HS3ST3A1: variants seen among roughly 807,000 people sequenced by gnomAD.
HS3ST3A1 encodes the protein heparan sulfate-glucosamine 3-sulfotransferase 3A1, also known as heparan sulfate glucosamine 3-O-sulfotransferase 3A1.
A neutral mutation model predicts 25.7 loss-of-function variants in HS3ST3A1; 19 were observed. The observed-to-expected ratio is 0.74, with a 90% CI of 0.52 to 1.08. The LOEUF (loss-of-function observed/expected upper bound fraction) is 1.08, where lower values mean the gene tolerates loss of function less well. HS3ST3A1 is among the 50% of genes least tolerant of loss of function. HS3ST3A1 has a pLI of 0.00. For synonymous variants in HS3ST3A1, 226 were observed against 278.6 expected (o/e 0.81, Z 1.88); for missense variants, 459 against 594.3 (o/e 0.77, Z 2.37).
chr17:13,533,418 G>T (rs1288058094), intron 1 of HS3ST3A1, among the ~76,000 whole-genome samples: 2 of 151,776 alleles, frequency 1.3e-5, no homozygotes, highest in African/African-American at 4.8e-5. Context: ...AAGGAGAAAG[G>T]TCTGGAACAG....
At chr17:13,546,459 G>A (rs1256936824) in intron 1 of HS3ST3A1, among the ~76,000 whole-genome samples, 1 of 152,008 alleles carries the variant, frequency 6.6e-6, no homozygotes, top group Non-Finnish European at 1.5e-5. Context: ...GTAGAGACAG[G>A]GTTTCACCAT....
intron 1 of HS3ST3A1, among the ~76,000 whole-genome samples, chr17:13,600,282 G>C (rs1908684049): frequency 6.6e-6 from 1 of 152,136 alleles, no homozygotes; most frequent in Non-Finnish European, 1.5e-5. Flanking sequence ...GACCAGACTG[G>C]CTATTTGCTG....
intron 1 of HS3ST3A1, among the ~76,000 whole-genome samples, chr17:13,586,227 C>T (rs1908264407): frequency 6.6e-6 from 1 of 152,066 alleles, no homozygotes; most frequent in Admixed American, 6.6e-5. Context: ...GGCTAGTATT[C>T]CACACAGTGT....
At chr17:13,578,831 T>C (rs1908022075) in intron 1 of HS3ST3A1, among the ~76,000 whole-genome samples, 1 of 152,210 alleles carries the variant, frequency 6.6e-6, no homozygotes, top group Admixed American at 6.5e-5. Flanking sequence ...TTTGCAGGTG[T>C]GTCAAGTATT....
chr17:13,522,837 C>A (rs928350641), intron 1 of HS3ST3A1, among the ~76,000 whole-genome samples: 11 of 70,540 alleles, frequency 1.6e-4, no homozygotes, highest in African/African-American at 5.9e-4. Context: ...ACACACACAC[C>A]ACACACACAC....
chr17:13,540,216 A>G (rs1446977886), intron 1 of HS3ST3A1, among the ~76,000 whole-genome samples: 2 of 152,200 alleles, frequency 1.3e-5, no homozygotes. Context: ...GCAACAATCT[A>G]TAATGTTCTA....
chr17:13,506,901 CAAAAA>C (rs958583882), intron 1 of HS3ST3A1, among the ~76,000 whole-genome samples: 3 of 101,240 alleles, frequency 3.0e-5, no homozygotes, highest in African/African-American at 1.1e-4. Context: ...TACTAAAATA[CAAAAA>C]AAAAAAAAAA....
chr17:13,594,384 G>C (rs548406324), intron 1 of HS3ST3A1, among the ~76,000 whole-genome samples: 13 of 152,080 alleles, frequency 8.5e-5, no homozygotes, highest in Non-Finnish European at 1.9e-4. Context: ...AACTCTCAAA[G>C]CGCTTTCCTG....
At chr17:13,546,538 T>G (rs1907092346) in intron 1 of HS3ST3A1, among the ~76,000 whole-genome samples, 1 of 152,220 alleles carries the variant, frequency 6.6e-6, no homozygotes, top group Non-Finnish European at 1.5e-5. Context: ...AGTGTTGGGA[T>G]TACAGGCGTG....
In HS3ST3A1 at chr17:13,495,464, T is replaced by C. The variant is rs930263571; in HGVS notation, c.*733A>G. ...AAGGGGCTCTCTTTCCCTTTTCATA[T>C]CATCTGAAAACTACCTAACCATTTC... is the stretch of plus-strand genomic sequence containing the variant. On this transcript the variant is annotated 3_prime_UTR_variant, in exon 2 of 2. Transcript: ENST00000284110. Among the ~76,000 whole-genome samples, 1 of 152,188 alleles carries C rather than the reference T, an allele frequency of 6.6e-6. No individual in the cohort carries two copies. Among genetic ancestry groups the C allele is most frequent in the Non-Finnish European group, 1.5e-5 (1 of 68,032 alleles).
intron 1 of HS3ST3A1, among the ~76,000 whole-genome samples, chr17:13,561,757 G>A (rs935907591): frequency 1.3e-5 from 2 of 152,084 alleles, no homozygotes; most frequent in African/African-American, 4.8e-5. Flanking sequence ...GAGACACTGC[G>A]GGATTCCAGC....
At chr17:13,527,960 A>AT (rs36019089) in intron 1 of HS3ST3A1, among the ~76,000 whole-genome samples, 152 of 151,298 alleles carry the variant, frequency 1.0e-3, no homozygotes, top group African/African-American at 2.6e-3. Context: ...TAATGTTCTT[A>AT]TTTTTTTTTA....
chr17:13,520,044 G>T (rs1056243929), intron 1 of HS3ST3A1, among the ~76,000 whole-genome samples: 6 of 152,096 alleles, frequency 3.9e-5, no homozygotes, highest in African/African-American at 1.4e-4. Context: ...CTTAATTTCT[G>T]TATCTTAGTT....
rs1202344350 is a variant in HS3ST3A1, at chr17:13,495,798, A to G, written c.*399T>C. On this transcript the variant is annotated 3_prime_UTR_variant, in exon 2 of 2. Transcript: ENST00000284110. ...TACTAACTGGGAAATAATTTAAGAA[A>G]AAGTGGCACGGGAAAAAGGGAGAAA... The G allele has an allele frequency of 6.2e-6, 1 of 160,540 alleles. No individual in the cohort carries two copies. The highest frequency in any genetic ancestry group is 2.4e-5 in the African/African-American group (1 of 41,644). The allele number at this position is 160,540 out of a possible 1,614,324, so 9.9% of individuals were successfully genotyped here. A position where few individuals can be genotyped will look rare whatever the true frequency, so the allele number is the denominator to read the frequency against.
At chr17:13,533,864 C>G (rs1207119587) in intron 1 of HS3ST3A1, among the ~76,000 whole-genome samples, 1 of 152,148 alleles carries the variant, frequency 6.6e-6, no homozygotes, top group Non-Finnish European at 1.5e-5. Context: ...ATAGGAAGGA[C>G]TGTAAATCCC....
chr17:13,522,890 T>G (rs1158239314), intron 1 of HS3ST3A1, among the ~76,000 whole-genome samples: 1 of 134,072 alleles, frequency 7.5e-6, no homozygotes, highest in Non-Finnish European at 1.6e-5. Context: ...ACAAAGCAAG[T>G]ACAAAAGATA....
At chr17:13,532,560 C>A (rs1174699972) in intron 1 of HS3ST3A1, among the ~76,000 whole-genome samples, 2 of 151,800 alleles carry the variant, frequency 1.3e-5, no homozygotes, top group African/African-American at 4.8e-5. Flanking sequence ...GAGTCCAGGG[C>A]CCGAGGGGGG....
In HS3ST3A1 at chr17:13,577,867, G is replaced by GGTGTGTGTGTGT. The variant is rs202098377; in HGVS notation, c.599+22652_599+22663dup. ...ACAAGAAATTTTGGTAGCAGTTTCT[G>GGTGTGTGTGTGT]GTGTGTGTGTGTGTGTGTGTGTCAA... On this transcript the variant is annotated intron_variant, in intron 1 of 1. Coordinates refer to ENST00000284110, the MANE Select transcript of HS3ST3A1 (RefSeq NM_006042.3). Among the ~76,000 whole-genome samples the GGTGTGTGTGTGT allele has an allele frequency of 8.3e-3, 1,248 of 151,178 alleles. 11 individuals carry two copies. Among genetic ancestry groups the GGTGTGTGTGTGT allele is most frequent in the African/African-American group, 0.017 (707 of 41,170 alleles).
In HS3ST3A1 at chr17:13,552,729, T is replaced by C. The variant is rs115517922; in HGVS notation, c.599+47802A>G. The stretch of plus-strand genomic sequence containing the variant: ...CTGGAGAACTTTTTCAAATGTAAAT[T>C]AAGACAAAGAAAGGCACAGCTAAGA... On this transcript the variant is annotated intron_variant, in intron 1 of 1. Coordinates refer to ENST00000284110, the MANE Select transcript of HS3ST3A1 (RefSeq NM_006042.3). Among the ~76,000 whole-genome samples the C allele has an allele frequency of 4.6e-3, 701 of 152,276 alleles. 5 individuals are homozygous for C. Among genetic ancestry groups the C allele is most frequent in the African/African-American group, 0.016 (672 of 41,552 alleles).
Sources: gnomAD v4.1 joint callset for allele counts (sites outside exome capture counted in the v4.1 genomes callset) on GRCh38, gnomAD v4.1.1 for gene constraint, MANE v1.5 for transcripts, NCBI Gene and HGNC (gene_info 2026-07-23, HGNC 2026-07-21) for gene names.